The following COL1A2 variants were observed in gnomAD, a reference collection of about 807,000 sequenced individuals.
The protein encoded by COL1A2 is collagen type I alpha 2 chain, also known as collagen alpha-2(I) chain.
A neutral mutation model predicts 174.3 loss-of-function variants in COL1A2; 49 were observed. That is an observed-to-expected ratio of 0.28 (90% confidence interval 0.22 to 0.36). The LOEUF is 0.36. Ranked by LOEUF, COL1A2 falls within the 10% of genes least tolerant of loss-of-function variation. The pLI, the probability that COL1A2 is intolerant of heterozygous loss-of-function variation, is 1.00. For missense variants in COL1A2, 1,438 were observed against 1,822.7 expected, an observed-to-expected ratio of 0.79 and a Z score of 3.84; for synonymous variants, 655 against 606.6, an observed-to-expected ratio of 1.08 and a Z score of -1.17.
intron 41 of COL1A2, 101 bp from the exon 42 acceptor site, chr7:94,425,016 T>G: frequency 2.0e-6 from 2 of 982,620 alleles, no homozygotes; most frequent in Non-Finnish European, 1.6e-6. Flanking sequence ...ATTTACCTTC[T>G]TCCTTCAAAC....
In COL1A2 at chr7:94,404,594, A is replaced by G. The variant is rs1271552471; in HGVS notation, c.318A>G (p.Gly106=). ...MGPRGPPGAA[G]APGPQGFQGP... is the part of the protein sequence containing the mutation. ...CTAGAGGCCCACCTGGTGCAGCTGG[A>G]GCCCCAGTAAGTACTGAAAGCTTGT... Residue 106 remains glycine (G), a synonymous_variant, in exon 7 of 52, where the codon GGA becomes GGG. Transcript: ENST00000297268. The G allele has an allele frequency of 2.5e-6, 4 of 1,613,926 alleles. No homozygotes were observed. In the South Asian group the frequency reaches 3.3e-5, roughly 13 times the overall value.
intron 38 of COL1A2, 149 bp downstream of exon 38, chr7:94,421,211 G>A (rs1792155071): frequency 1.3e-6 from 1 of 787,816 alleles, no homozygotes; most frequent in African/African-American, 1.7e-5. Context: ...TTCCGATATT[G>A]ATGTTAACTT....
rs771323167 is a variant in COL1A2, at chr7:94,413,995, A to G, written c.1665+48A>G. 3 of 1,541,510 alleles carry G rather than the reference A, an allele frequency of 1.9e-6. No homozygotes were observed. The South Asian group carries it at 3.3e-5, about 17-fold the overall frequency. The stretch of plus-strand genomic sequence containing the variant: ...AATACTGCCTTTGGTCAGCCTATTG[A>G]GCTGTAAATCACCATACCGTACCTC... On this transcript the variant is annotated intron_variant, in intron 28 of 51. Transcript: ENST00000297268.
Position 94,419,367 on chromosome 7 carries a change from C to T in COL1A2, c.2026-131C>T, listed in dbSNP as rs113113796. 965 of 1,042,388 alleles carry T rather than the reference C, an allele frequency of 9.3e-4. 5 individuals carry two copies. In the African/African-American group the frequency reaches 0.013, roughly 14 times the overall value. 64.6% of individuals were successfully genotyped at this position (1,042,388 alleles called of 1,614,324 possible). A position where few individuals can be genotyped will look rare whatever the true frequency, so the allele number is the denominator to read the frequency against. ...ATTAGAACCAAAATACATCAGAGGCCTTCTAGATATCCAACCAGAGTGCAG... is the reference window on the plus strand; with the variant it reads ...ATTAGAACCAAAATACATCAGAGGCTTTCTAGATATCCAACCAGAGTGCAG... On this transcript the variant is annotated intron_variant, in intron 33 of 51. Transcript: ENST00000297268.
chr7:94,421,290 G>A (rs1584326856), intron 38 of COL1A2: 2 of 599,030 alleles, frequency 3.3e-6, no homozygotes, highest in East Asian at 2.8e-5. Context: ...TGGGCCCTAG[G>A]CAGTTTAATT....
chr7:94,405,303 T>C (rs757543200), intron 10 of COL1A2, 51 bp downstream of exon 10: 15 of 1,540,592 alleles, frequency 9.7e-6, no homozygotes, highest in Non-Finnish European at 1.3e-5. Flanking sequence ...GCCTATAAGA[T>C]AGTTGCTAAA....
chr7:94,408,226 C>G lies in COL1A2; in HGVS notation c.683C>G (p.Pro228Arg). The change falls in exon 14 of 52, where the codon CCT becomes CGT. Residue 228 changes from proline (P) to arginine (R), a missense_variant. Physicochemically the swap from Pro to Arg is moderately radical, Grantham distance 103. This residue lies in a region of COL1A2 where 281 missense variants were observed against 310.9 expected (regional missense o/e 0.90). Coordinates refer to ENST00000297268, the MANE Select transcript of COL1A2 (RefSeq NM_000089.4). ...GGTGAGAGAGGACGTGTTGGTGCCCCTGGCCCAGCTGTAAGTGCTTCCATT... is the reference window on the plus strand; with the variant it reads ...GGTGAGAGAGGACGTGTTGGTGCCCGTGGCCCAGCTGTAAGTGCTTCCATT... ...LPGERGRVGAPGPAGARGSDG... is the reference protein window; with the variant it reads ...LPGERGRVGARGPAGARGSDG... 1 of 1,614,206 alleles carries G rather than the reference C, an allele frequency of 6.2e-7. No homozygotes were observed. Among genetic ancestry groups the G allele is most frequent in the Non-Finnish European group, 8.5e-7 (1 of 1,180,036 alleles).
At chr7:94,414,845 G>T (rs112669546) in intron 29 of COL1A2, among the ~76,000 whole-genome samples, 1 of 152,112 alleles carries the variant, frequency 6.6e-6, no homozygotes, top group Admixed American at 6.6e-5. Context: ...AATTAACTAG[G>T]CAATGTACAG....
chr7:94,420,908 T>C (rs1792146023), intron 37 of COL1A2, 101 bp from the exon 38 acceptor site: 1 of 1,192,224 alleles, frequency 8.4e-7, no homozygotes, highest in Admixed American at 1.7e-5. Context: ...TTTATTTCTA[T>C]ATTTTCTTCT....
At chr7:94,396,314 T>TTGTGTGTG (rs60833112) in intron 1 of COL1A2, among the ~76,000 whole-genome samples, 3,691 of 149,718 alleles carry the variant, frequency 0.025, 46 homozygotes, top group African/African-American at 0.036. Context: ...ATTTGTGTGC[T>TTGTGTGTG]TGTGTGTGTG....
chr7:94,430,325 G>A lies in COL1A2; in HGVS notation c.4033G>A (p.Ala1345Thr). The A allele has an allele frequency of 6.2e-7, 1 of 1,614,014 alleles. No homozygotes were observed. The highest frequency in any genetic ancestry group is 8.5e-7 in the Non-Finnish European group (1 of 1,179,956). ...ATCACGCCTGCCCTTCCTTGATATT[G>A]CACCTTTGGACATCGGTGGTGCTGA... ...KPSRLPFLDI[A>T]PLDIGGADQE... The change falls in exon 52 of 52, where the codon GCA becomes ACA. Residue 1345 changes from alanine (A) to threonine (T), a missense_variant. By Grantham distance (58) the Ala-to-Thr change is moderately conservative. This residue lies in a region of COL1A2 where 290 missense variants were observed against 298.1 expected (regional missense o/e 0.97). Transcript: ENST00000297268.
chr7:94,423,607 T>C (rs894915011), intron 40 of COL1A2: 1 of 176,668 alleles, frequency 5.7e-6, no homozygotes, highest in Non-Finnish European at 1.2e-5. Context: ...TTTGTTTTTT[T>C]GTTTTGGGAT....
intron 19 of COL1A2, 127 bp from the exon 20 acceptor site, chr7:94,410,115 C>G: frequency 2.1e-6 from 2 of 943,004 alleles, no homozygotes; most frequent in Non-Finnish European, 3.4e-6. Context: ...TAAATATGAA[C>G]AGGGTACATT....
intron 49 of COL1A2, 44 bp from the exon 50 acceptor site, chr7:94,428,249 G>T (rs1454068834): frequency 1.4e-6 from 2 of 1,441,410 alleles, no homozygotes; most frequent in Admixed American, 3.3e-5. Context: ...TCTGTGTTCT[G>T]CTCAATGAGA....
chr7:94,400,593 A>T (rs1791670599), intron 5 of COL1A2, among the ~76,000 whole-genome samples: 1 of 152,030 alleles, frequency 6.6e-6, no homozygotes, highest in Non-Finnish European at 1.5e-5. Context: ...ATTATTAAGG[A>T]TTTTGATTAG....
chr7:94,419,278 C>A lies in COL1A2; in HGVS notation c.2026-220C>A, dbSNP rs190503371. Among the ~76,000 whole-genome samples the A allele has an allele frequency of 2.9e-4, 44 of 151,508 alleles. No homozygotes were observed. The East Asian group carries it at 6.8e-3, about 23-fold the overall frequency. ...ATTTCTGACCTGCTATTGACTTACA[C>A]ATTTCCATAACCTTTATTACTGGAG... On this transcript the variant is annotated intron_variant, in intron 33 of 51. Transcript: ENST00000297268.
chr7:94,418,917 G>A (rs2023730), intron 33 of COL1A2, among the ~76,000 whole-genome samples: 42,814 of 150,818 alleles, frequency 0.28, 6,162 homozygotes, highest in Non-Finnish European at 0.31. Flanking sequence ...AGGAAGCCGG[G>A]ACCTCTAACA....
chr7:94,416,189 C>T (rs896885880), intron 30 of COL1A2, among the ~76,000 whole-genome samples: 2 of 152,152 alleles, frequency 1.3e-5, no homozygotes, highest in Admixed American at 6.5e-5. Flanking sequence ...ATTCTGGAGT[C>T]GTAGTCATGG....
In COL1A2 at chr7:94,412,510, C is replaced by A. The variant is rs1459280437; in HGVS notation, c.1405-74C>A. 11 of 1,115,562 alleles carry A rather than the reference C, an allele frequency of 9.9e-6. No individual in the cohort carries two copies. In the Admixed American group the frequency reaches 2.1e-4, roughly 21 times the overall value. 69.1% of individuals were successfully genotyped at this position (1,115,562 alleles called of 1,614,324 possible). A position where few individuals can be genotyped will look rare whatever the true frequency, so the allele number is the denominator to read the frequency against. The stretch of plus-strand genomic sequence containing the variant: ...ATTCAGAAAACTATTCTGTTTCATC[C>A]GTGGCAGCATCATAAGCTTGAGGTT... On this transcript the variant is annotated intron_variant, in intron 24 of 51. Transcript: ENST00000297268.
Sources: allele counts gnomAD v4.1 joint callset (sites outside exome capture counted in the v4.1 genomes callset), GRCh38; gene constraint gnomAD v4.1.1; regional missense constraint gnomAD v4.1.1; transcripts MANE v1.5; gene names NCBI Gene and HGNC (gene_info 2026-07-23, HGNC 2026-07-21).